B4GALT3: variants seen among roughly 807,000 people sequenced by gnomAD.
B4GALT3 encodes beta-1,4-galactosyltransferase 3, also known as N-acetyllactosamine synthase.
A neutral mutation model predicts 40.7 loss-of-function variants in B4GALT3; 29 were observed. The ratio of observed to expected loss-of-function variants is 0.71; its 90% CI spans 0.53 to 0.97. B4GALT3 has a LOEUF of 0.97. Ranked by LOEUF, B4GALT3 falls within the 50% of genes least tolerant of loss-of-function variation. B4GALT3 has a pLI of 0.00. For synonymous variants in B4GALT3, 182 were observed against 203.9 expected, an observed-to-expected ratio of 0.89 and a Z score of 0.92; for missense variants, 390 against 522.3, an observed-to-expected ratio of 0.75 and a Z score of 2.47.
At chr1:161,177,315 C>T in intron 1 of B4GALT3, 108 bp downstream of exon 1, 1 of 540,408 alleles carries the variant, frequency 1.9e-6, no homozygotes, top group Admixed American at 3.1e-5. Context: ...CCTAGGACCC[C>T]GTCCCTGCTC....
intron 3 of B4GALT3, 57 bp from the exon 4 acceptor site, chr1:161,175,285 A>C: frequency 6.6e-7 from 1 of 1,503,926 alleles, no homozygotes; most frequent in Non-Finnish European, 9.2e-7. Context: ...AAAGAATCAA[A>C]CTAGGGTTTG....
At chr1:161,173,343 G>C (rs1662201471) in intron 6 of B4GALT3, among the ~76,000 whole-genome samples, 1 of 152,166 alleles carries the variant, frequency 6.6e-6, no homozygotes, top group Non-Finnish European at 1.5e-5. Flanking sequence ...CCCCTTTCCA[G>C]TTCTGGAATC....
At position 161,174,018 on chromosome 1, in the gene B4GALT3, A is replaced by G; in HGVS notation, c.521T>C (p.Leu174Pro). The part of the protein sequence containing the change: ...AGNGTFNRAK[L>P]LNVGVREALR... ...GGCCTCTCGCACCCCAACGTTCAAC[A>G]GTTTTGCCCTGTTAAATGTTCCATT... The change falls in exon 5 of 8, where the codon CTG (leucine) becomes CCG (proline). Residue 174 changes from leucine to proline, a missense_variant. Leu to Pro is a moderately conservative substitution (Grantham distance 98). Coordinates refer to ENST00000319769, the MANE Select transcript of B4GALT3 (RefSeq NM_003779.4). 1 of 1,614,108 alleles carries G rather than the reference A, an allele frequency of 6.2e-7. No individual in the cohort carries two copies. The highest frequency in any genetic ancestry group is 8.5e-7 in the Non-Finnish European group (1 of 1,180,010).
intron 1 of B4GALT3, chr1:161,177,203 T>A: frequency 2.4e-6 from 2 of 837,554 alleles, no homozygotes; most frequent in Non-Finnish European, 3.6e-6. Flanking sequence ...TGGAGGGGGT[T>A]AAAACCCAGC....
Position 161,175,911 on chromosome 1 carries a change from G to T in B4GALT3, c.150C>A (p.His50Gln), listed in dbSNP as rs1395567487. ...TGAGGTTACTGTAGACATCACGAGG[G>T]TGAGAATAGTCAAATGTCGGTCCCT... ...RDQGPTFDYS[H>Q]PRDVYSNLSH... Residue 50 changes from histidine (H) to glutamine (Q), a missense_variant, in exon 3 of 8, where the codon CAC (histidine) becomes CAA (glutamine). His to Gln is a conservative substitution (Grantham distance 24, BLOSUM62 0). This residue lies in a region of B4GALT3 where 183 missense variants were observed against 223.2 expected (regional missense o/e 0.82). Transcript: ENST00000319769. The T allele has an allele frequency of 6.2e-7, 1 of 1,614,168 alleles. No individual in the cohort carries two copies. The highest frequency in any genetic ancestry group is 8.5e-7 in the Non-Finnish European group (1 of 1,180,034).
At chr1:161,173,258 G>GC (rs1302679715) in intron 6 of B4GALT3, among the ~76,000 whole-genome samples, 1 of 152,176 alleles carries the variant, frequency 6.6e-6, no homozygotes, top group South Asian at 2.1e-4. Context: ...ATGGAGCAGA[G>GC]CCCCTCTCTC....
chr1:161,173,572 G>A, intron 6 of B4GALT3, 33 bp downstream of exon 6: 1 of 1,612,792 alleles, frequency 6.2e-7, no homozygotes, highest in Non-Finnish European at 8.5e-7. Flanking sequence ...TCCAGACTGG[G>A]GTCAGGAGGG....
In B4GALT3 at chr1:161,174,986, G is replaced by C. The variant is rs758060785; in HGVS notation, c.489+7C>G. On this transcript the variant is annotated splice_region_variant and intron_variant, in intron 4 of 7. Coordinates refer to ENST00000319769, the MANE Select transcript of B4GALT3 (RefSeq NM_003779.4). ...GTCAGTCAAAATGAGGTGGAGATTG[G>C]GGGTACCTGGTGGATGACATAGATG... is the stretch of plus-strand genomic sequence containing the variant. The C allele has an allele frequency of 9.2e-5, 148 of 1,612,506 alleles. No individual in the cohort carries two copies. In the South Asian group the frequency reaches 1.5e-3, roughly 17 times the overall value.
intron 5 of B4GALT3, 52 bp from the exon 6 acceptor site, chr1:161,173,779 C>T (rs1662394799): frequency 6.2e-7 from 1 of 1,611,864 alleles, no homozygotes; most frequent in African/African-American, 1.3e-5. Context: ...GACACATCCC[C>T]AACCACAATC....
At position 161,172,233 on chromosome 1, in the gene B4GALT3, G is replaced by A. The variant is rs1661712053; in HGVS notation, c.902C>T (p.Pro301Leu). The A allele has an allele frequency of 1.2e-6, 2 of 1,613,988 alleles. No homozygotes were observed. Among genetic ancestry groups the A allele is most frequent in the Non-Finnish European group, 1.7e-6 (2 of 1,179,982 alleles). Residue 301 changes from proline (P) to leucine (L), a missense_variant, in exon 7 of 8, where the codon CCC becomes CTC. Physicochemically the swap from Pro to Leu is moderately conservative, Grantham distance 98. This residue lies in a region of B4GALT3 where 135 missense variants were observed against 227.8 expected (regional missense o/e 0.59). Coordinates refer to ENST00000319769, the MANE Select transcript of B4GALT3 (RefSeq NM_003779.4). ...AGTCCTTCCTTCTTCCTACCTGTGG[G>A]GATTTTCCTCATTGCCCTTATCTCC... ...HRGDKGNEEN[P>L]HRFDLLVRTQ... is the part of the protein sequence containing the mutation.
At position 161,173,744 on chromosome 1, in the gene B4GALT3, C is replaced by T. The variant is rs772886747; in HGVS notation, c.681-17G>A. The T allele has an allele frequency of 5.6e-6, 9 of 1,614,006 alleles. No individual in the cohort carries two copies. The highest frequency in any genetic ancestry group is 1.3e-5 in the African/African-American group (1 of 75,024). ...TACGGGAGGCTAGGGAGAGAAAGAT[C>T]CTTGCATACCCCGAGTCTTCTGGGG... On this transcript the variant is annotated splice_polypyrimidine_tract_variant and intron_variant, in intron 5 of 7. Coordinates refer to ENST00000319769, the MANE Select transcript of B4GALT3 (RefSeq NM_003779.4).
Position 161,176,031 on chromosome 1 carries a change from G to A in B4GALT3, c.30C>T (p.Cys10=). 1 of 1,614,144 alleles carries A rather than the reference G, an allele frequency of 6.2e-7. No homozygotes were observed. Among genetic ancestry groups the A allele is most frequent in the South Asian group, 1.1e-5 (1 of 91,082 alleles). MLRRLLERP[C]TLALLVGSQL... ...GGGAGCCCACAAGCAGGGCCAGCGT[G>A]CAAGGCCGCTCCAGCAGCCTCCGCA... Residue 10 remains cysteine, a synonymous_variant, in exon 3 of 8, where the codon TGC becomes TGT. Coordinates refer to ENST00000319769, the MANE Select transcript of B4GALT3 (RefSeq NM_003779.4).
intron 6 of B4GALT3, 102 bp from the exon 7 acceptor site, chr1:161,172,433 G>A: frequency 2.9e-6 from 3 of 1,025,246 alleles, no homozygotes; most frequent in Admixed American, 3.0e-5. Context: ...TTACTTAGTA[G>A]GCAAAAGAAA....
At chr1:161,174,641 C>T (rs189994840) in intron 4 of B4GALT3, among the ~76,000 whole-genome samples, 41 of 152,236 alleles carry the variant, frequency 2.7e-4, no homozygotes, top group Middle Eastern at 3.4e-3. Context: ...TATTAGTTAT[C>T]TTATGCTCTT....
chr1:161,176,191 G>T, intron 2 of B4GALT3, 117 bp from the exon 3 acceptor site: 1 of 1,149,762 alleles, frequency 8.7e-7, no homozygotes. Context: ...AGAAAACAAA[G>T]TCACAGAAGG....
chr1:161,173,748 G>C, intron 5 of B4GALT3, 21 bp from the exon 6 acceptor site: 1 of 1,613,994 alleles, frequency 6.2e-7, no homozygotes, highest in South Asian at 1.1e-5. Flanking sequence ...AAAGATCCTT[G>C]CATACCCCGA....
Position 161,171,647 on chromosome 1 carries a change from C to A in B4GALT3, c.*169G>T, listed in dbSNP as rs1661468954. 2 of 918,676 alleles carry A rather than the reference C, an allele frequency of 2.2e-6. No individual in the cohort carries two copies. The highest frequency in any genetic ancestry group is 3.2e-6 in the Non-Finnish European group (2 of 621,138). 56.9% of individuals were successfully genotyped at this position (918,676 alleles called of 1,614,324 possible). On this transcript the variant is annotated 3_prime_UTR_variant, in exon 8 of 8. Coordinates refer to ENST00000319769, the MANE Select transcript of B4GALT3 (RefSeq NM_003779.4). ...CCCTAGAGAGAGGGACCCCTCAGGTCTACAGGAGCCCAGCTCCAGTCCAGC... is the reference window on the plus strand; with the variant it reads ...CCCTAGAGAGAGGGACCCCTCAGGTATACAGGAGCCCAGCTCCAGTCCAGC...
chr1:161,173,244 G>A (rs1163934092), intron 6 of B4GALT3, among the ~76,000 whole-genome samples: 1 of 152,208 alleles, frequency 6.6e-6, no homozygotes, highest in African/African-American at 2.4e-5. Flanking sequence ...GCGATTCTGG[G>A]AACATGGAGC....
At chr1:161,173,548 T>C in intron 6 of B4GALT3, 57 bp downstream of exon 6, 1 of 1,611,040 alleles carries the variant, frequency 6.2e-7, no homozygotes, top group Non-Finnish European at 8.5e-7. Context: ...AAAGGTGGTC[T>C]TAGAGGACAG....
Sources: gnomAD v4.1 joint callset for allele counts (sites outside exome capture counted in the v4.1 genomes callset) on GRCh38, gnomAD v4.1.1 for gene constraint, gnomAD v4.1.1 regional missense constraint, MANE v1.5 for transcripts, NCBI Gene and HGNC (gene_info 2026-07-23, HGNC 2026-07-21) for gene names.